NAA11: variants seen among roughly 807,000 people sequenced by gnomAD.
NAA11 encodes N-alpha-acetyltransferase 11.
NAA11 carries 15 observed loss-of-function variants against 16.1 expected under a neutral mutation model. The ratio of observed to expected loss-of-function variants is 0.93; its 90% CI spans 0.62 to 1.44. The LOEUF is 1.44. Ranked by LOEUF, NAA11 falls within the 40% of genes most tolerant of loss-of-function variation. NAA11 has a pLI of 0.00. For synonymous variants in NAA11, 122 were observed against 112.4 expected (o/e 1.09, Z -0.54); for missense variants, 298 against 291.3 (o/e 1.02, Z -0.17).
At chr4:79,323,272 A>G (rs1421417179) in intron 1 of NAA11, among the ~76,000 whole-genome samples, 1 of 152,236 alleles carries the variant, frequency 6.6e-6, no homozygotes, top group Non-Finnish European at 1.5e-5. Flanking sequence ...TCCTAAGGCG[A>G]TACAAAGTCC....
downstream of NAA11, among the ~76,000 whole-genome samples, chr4:79,222,487 A>G (rs1266274792): frequency 6.6e-6 from 1 of 150,812 alleles, no homozygotes; most frequent in African/African-American, 2.4e-5. Context: ...TTATACAAAA[A>G]TCAATTCAAG....
chr4:79,220,834 G>T (rs983059194), downstream of NAA11, among the ~76,000 whole-genome samples: 1 of 152,006 alleles, frequency 6.6e-6, no homozygotes, highest in African/African-American at 2.4e-5. Context: ...TTCTTTTGGC[G>T]TAGGATTGAC....
chr4:79,165,993 T>C, the NAA11 span, among the ~76,000 whole-genome samples: 1 of 152,222 alleles, frequency 6.6e-6, no homozygotes, highest in Non-Finnish European at 1.5e-5. Flanking sequence ...ATTATCTATT[T>C]CTAGAATTTA....
chr4:79,323,632 AAC>A (rs1187128250), intron 1 of NAA11, among the ~76,000 whole-genome samples: 1 of 152,176 alleles, frequency 6.6e-6, no homozygotes, highest in Non-Finnish European at 1.5e-5. Context: ...CATCCTGGCT[AAC>A]ACAGTGAAAC....
At chr4:79,185,249 A>G in the NAA11 span, among the ~76,000 whole-genome samples, 3 of 152,186 alleles carry the variant, frequency 2.0e-5, no homozygotes, top group Admixed American at 1.3e-4. Context: ...CACTAAAGAC[A>G]TCAGCTAAAT....
At chr4:79,262,737 T>G (rs1328923880) in intron 2 of NAA11, among the ~76,000 whole-genome samples, 1 of 152,162 alleles carries the variant, frequency 6.6e-6, no homozygotes, top group Non-Finnish European at 1.5e-5. Flanking sequence ...TTGTTTAGTT[T>G]TTGTTGATAG....
chr4:79,320,503 A>G (rs1272144571), intron 1 of NAA11, among the ~76,000 whole-genome samples: 1 of 152,166 alleles, frequency 6.6e-6, no homozygotes, highest in Non-Finnish European at 1.5e-5. Context: ...GTTTTCCACT[A>G]TCTGTATAAC....
chr4:79,188,142 TTTTG>T, the NAA11 span, among the ~76,000 whole-genome samples: 12 of 152,132 alleles, frequency 7.9e-5, no homozygotes, highest in Admixed American at 5.9e-4. Flanking sequence ...TTTTTTCCTC[TTTTG>T]TTTATCTAAA....
At chr4:79,264,604 C>G (rs1722305291) in intron 2 of NAA11, among the ~76,000 whole-genome samples, 1 of 152,194 alleles carries the variant, frequency 6.6e-6, no homozygotes, top group African/African-American at 2.4e-5. Flanking sequence ...CTTCACACGG[C>G]CAGATCTCAT....
chr4:79,321,423 T>A (rs989658946), intron 1 of NAA11, among the ~76,000 whole-genome samples: 1 of 152,222 alleles, frequency 6.6e-6, no homozygotes, highest in African/African-American at 2.4e-5. Context: ...ATACATTCTT[T>A]TCTCTCATCT....
chr4:79,233,731 C>G (rs749541437), intron 2 of NAA11, among the ~76,000 whole-genome samples: 1 of 152,060 alleles, frequency 6.6e-6, no homozygotes, highest in Admixed American at 6.6e-5. Context: ...TTCCTGCACT[C>G]TATTCCCCCA....
At chr4:79,276,549 G>A (rs1722649208) in intron 2 of NAA11, among the ~76,000 whole-genome samples, 2 of 152,274 alleles carry the variant, frequency 1.3e-5, no homozygotes, top group South Asian at 2.1e-4. Flanking sequence ...CTGAAGACAT[G>A]CAGTTAGCTT....
chr4:79,245,781 C>A (rs1263861867), intron 2 of NAA11, among the ~76,000 whole-genome samples: 1 of 151,770 alleles, frequency 6.6e-6, no homozygotes, highest in African/African-American at 2.4e-5. Context: ...GCGCCTCCGC[C>A]CAGCCGCCCG....
intron 2 of NAA11, among the ~76,000 whole-genome samples, chr4:79,256,645 A>ATATATAT (rs1722112473): frequency 5.3e-5 from 4 of 75,536 alleles, no homozygotes; most frequent in African/African-American, 1.8e-4. Context: ...TATATATATA[A>ATATATAT]ATATAAATAT....
Position 79,297,090 on chromosome 4 carries a change from C to T in NAA11, c.*13-2976G>A, listed in dbSNP as rs547164226. ...CCTGAGGCCAGGCAGGACCTGCTCC[C>T]AGGTCCAGAGCCTCTGCTGCTCTGC... On this transcript the variant is annotated intron_variant and NMD_transcript_variant, in intron 1 of 2. Coordinates refer to the NAA11 transcript ENST00000511542. Among the ~76,000 whole-genome samples, 5 of 152,308 alleles carry T rather than the reference C, an allele frequency of 3.3e-5. No homozygotes were observed. The East Asian group carries it at 9.7e-4, about 29-fold the overall frequency.
At chr4:79,307,564 C>T (rs1296166378) in intron 1 of NAA11, among the ~76,000 whole-genome samples, 1 of 152,074 alleles carries the variant, frequency 6.6e-6, no homozygotes, top group Non-Finnish European at 1.5e-5. Context: ...GAACTATGAT[C>T]TTTCCTCTTC....
the NAA11 span, among the ~76,000 whole-genome samples, chr4:79,174,912 A>G: frequency 6.6e-6 from 1 of 152,136 alleles, no homozygotes; most frequent in Non-Finnish European, 1.5e-5. Context: ...CATGTAAGAA[A>G]TAGTTATACA....
chr4:79,174,718 C>T, the NAA11 span, among the ~76,000 whole-genome samples: 82 of 152,208 alleles, frequency 5.4e-4, no homozygotes, highest in Middle Eastern at 3.4e-3. Context: ...TGGTATAAAA[C>T]ATCTGTGAAT....
At chr4:79,260,190 C>G (rs1722216344) in intron 2 of NAA11, among the ~76,000 whole-genome samples, 1 of 152,224 alleles carries the variant, frequency 6.6e-6, no homozygotes, top group South Asian at 2.1e-4. Context: ...GCTTTCTCCT[C>G]TGCAGATGCC....
Sources: gnomAD v4.1 joint callset for allele counts (sites outside exome capture counted in the v4.1 genomes callset) on GRCh38, gnomAD v4.1.1 for gene constraint, MANE v1.5 for transcripts, NCBI Gene and HGNC (gene_info 2026-07-23, HGNC 2026-07-21) for gene names.